PRPF4: variants seen among roughly 807,000 people sequenced by gnomAD.
The protein encoded by PRPF4 is pre-mRNA splicing tri-snRNP complex factor PRPF4.
In PRPF4, 14 loss-of-function variants were observed where a neutral mutation model predicts 72.2. The ratio of observed to expected loss-of-function variants is 0.19; its 90% CI spans 0.13 to 0.30. PRPF4 has a LOEUF of 0.30. Ranked by LOEUF, PRPF4 falls within the 10% of genes least tolerant of loss-of-function variation. The pLI is 1.00. For synonymous variants in PRPF4, 225 were observed against 232.2 expected, an observed-to-expected ratio of 0.97 and a Z score of 0.28; for missense variants, 478 against 653.9, an observed-to-expected ratio of 0.73 and a Z score of 2.93.
chr9:113,279,756 T>C (rs976746591), intron 3 of PRPF4, among the ~76,000 whole-genome samples: 2 of 152,196 alleles, frequency 1.3e-5, no homozygotes, highest in Non-Finnish European at 2.9e-5. Context: ...CAGTGCGAGT[T>C]TTGAATTGGA....
intron 2 of PRPF4, 21 bp downstream of exon 2, chr9:113,276,746 C>A: frequency 9.5e-6 from 15 of 1,586,204 alleles, no homozygotes; most frequent in Non-Finnish European, 1.3e-5. Flanking sequence ...AATTGTGAGC[C>A]CATCTTTACC....
In PRPF4 at chr9:113,283,465, C is replaced by T. The variant is rs769494993; in HGVS notation, c.637C>T (p.Leu213=). The T allele has an allele frequency of 2.5e-6, 4 of 1,613,978 alleles. No homozygotes were observed. In the African/African-American group the frequency reaches 5.3e-5, roughly 22 times the overall value. The change falls in exon 6 of 14, where the codon CTG becomes TTG. Residue 213 remains leucine (L), a synonymous_variant. Coordinates refer to ENST00000374198, the MANE Select transcript of PRPF4 (RefSeq NM_001244926.2). ...AACAAGGACCTCCCAGATGCAAGAG[C>T]TGCACAAGTCTCTCCGGGTAAGATG... ...ETTRTSQMQE[L]HKSLRSLNNF... is the part of the protein sequence containing the mutation.
Position 113,275,730 on chromosome 9 carries a change from C to G in PRPF4, c.-14C>G. 6.2e-7 allele frequency: 1 copy of G among 1,610,188 alleles called. No homozygotes were observed. Among genetic ancestry groups the G allele is most frequent in the South Asian group, 1.1e-5 (1 of 90,820 alleles). The stretch of plus-strand genomic sequence containing the variant: ...TTCGGGTTTCGCTGGGGCCTCGCGG[C>G]TCCAGAGCCCAGCATGGCTTCCTCG... On this transcript the variant is annotated 5_prime_UTR_variant, in exon 1 of 14. Coordinates refer to ENST00000374198, the MANE Select transcript of PRPF4 (RefSeq NM_001244926.2).
chr9:113,291,748 C>A lies in PRPF4; in HGVS notation c.*88C>A. 1 of 1,325,766 alleles carries A rather than the reference C, an allele frequency of 7.5e-7. No homozygotes were observed. The highest frequency in any genetic ancestry group is 1.9e-4 in the Middle Eastern group (1 of 5,136). The allele number at this position is 1,325,766 out of a possible 1,614,324, so 82.1% of individuals were successfully genotyped here. On this transcript the variant is annotated 3_prime_UTR_variant, in exon 14 of 14. Coordinates refer to ENST00000374198, the MANE Select transcript of PRPF4 (RefSeq NM_001244926.2). ...GAAGAATTGAAGTGTTTAGTTCTAT[C>A]ATGTTTTCTGCCAATTACCATGCAT... is the stretch of plus-strand genomic sequence containing the variant.
chr9:113,282,215 G>GT (rs1303758791), intron 3 of PRPF4, among the ~76,000 whole-genome samples: 3 of 152,218 alleles, frequency 2.0e-5, no homozygotes, highest in African/African-American at 7.2e-5. Context: ...GCTCATGCCC[G>GT]TAATCCCAGC....
intron 4 of PRPF4, 170 bp downstream of exon 4, chr9:113,282,903 T>A: frequency 2.0e-6 from 2 of 1,003,380 alleles, no homozygotes; most frequent in South Asian, 3.4e-5. Context: ...TTTGTAAGTA[T>A]GAATGGAGCT....
intron 7 of PRPF4, among the ~76,000 whole-genome samples, chr9:113,285,713 A>G (rs905626000): frequency 6.6e-6 from 1 of 151,848 alleles, no homozygotes; most frequent in Non-Finnish European, 1.5e-5. Context: ...ATTTTTTAAA[A>G]CGTTAGCCAG....
In PRPF4 at chr9:113,275,677, C is replaced by T. The variant is rs1406323357; in HGVS notation, c.-67C>T. 1 of 1,555,036 alleles carries T rather than the reference C, an allele frequency of 6.4e-7. No individual in the cohort carries two copies. Reference sequence around the variant, plus strand: ...AGTGACGCACTTCCCCTCTGCTGGGCGCGCGGTGGACGGTCTGAAAGGGAG... The same window carrying T: ...AGTGACGCACTTCCCCTCTGCTGGGTGCGCGGTGGACGGTCTGAAAGGGAG... On this transcript the variant is annotated 5_prime_UTR_variant, in exon 1 of 14. Transcript: ENST00000374198.
At position 113,291,779 on chromosome 9, in the gene PRPF4, C is replaced by A. The variant is rs754655198; in HGVS notation, c.*119C>A. On this transcript the variant is annotated 3_prime_UTR_variant, in exon 14 of 14. Coordinates refer to ENST00000374198, the MANE Select transcript of PRPF4 (RefSeq NM_001244926.2). ...TTCTGCCAATTACCATGCATAGACC[C>A]TCAGTAGAATTGGATTTCCATGTCA... The A allele has an allele frequency of 1.6e-5, 16 of 1,017,578 alleles. No individual in the cohort carries two copies. Among genetic ancestry groups the A allele is most frequent in the Non-Finnish European group, 2.2e-5 (16 of 716,526 alleles). 63.0% of individuals were successfully genotyped at this position (1,017,578 alleles called of 1,614,324 possible).
At chr9:113,276,441 A>G in intron 1 of PRPF4, 107 bp from the exon 2 acceptor site, 2 of 1,248,964 alleles carry the variant, frequency 1.6e-6, no homozygotes, top group Non-Finnish European at 2.3e-6. Context: ...CCTTTCAATT[A>G]CAGAGGAAAC....
At position 113,292,343 on chromosome 9, in the gene PRPF4, T is replaced by C. The variant is rs1414613797; in HGVS notation, c.*683T>C. 6.6e-6 allele frequency: 1 copy of C among 152,280 alleles called. No homozygotes were observed. The highest frequency in any genetic ancestry group is 2.4e-5 in the African/African-American group (1 of 41,460). 9.4% of individuals were successfully genotyped at this position (152,280 alleles called of 1,614,324 possible). A position where few individuals can be genotyped will look rare whatever the true frequency, so the allele number is the denominator to read the frequency against. On this transcript the variant is annotated 3_prime_UTR_variant, in exon 14 of 14. Coordinates refer to ENST00000374198, the MANE Select transcript of PRPF4 (RefSeq NM_001244926.2). ...ATGGTACATGCTTCAGGACTACATATGACCCAGAGAGCAAGGTGGCTGAAC... is the reference window on the plus strand; with the variant it reads ...ATGGTACATGCTTCAGGACTACATACGACCCAGAGAGCAAGGTGGCTGAAC...
intron 7 of PRPF4, among the ~76,000 whole-genome samples, chr9:113,285,441 C>G (rs373054491): frequency 1.5e-5 from 2 of 134,852 alleles, no homozygotes; most frequent in African/African-American, 5.7e-5. Flanking sequence ...TGCAGTGGCG[C>G]GATCTCGGCT....
In PRPF4 at chr9:113,279,000, T is replaced by C. The variant is rs1188846334; in HGVS notation, c.261T>C (p.Ala87=). 4 of 1,614,046 alleles carry C rather than the reference T, an allele frequency of 2.5e-6. No homozygotes were observed. Among genetic ancestry groups the C allele is most frequent in the Non-Finnish European group, 3.4e-6 (4 of 1,180,034 alleles). ...HISERQAEVL[A]EFERRKRARQ... ...GCGAGCGACAGGCAGAAGTATTGGC[T>C]GAGTTTGAGAGAAGGAAGCGAGCCC... Residue 87 remains alanine (A), a synonymous_variant, in exon 3 of 14, where the codon GCT becomes GCC. Coordinates refer to ENST00000374198, the MANE Select transcript of PRPF4 (RefSeq NM_001244926.2).
intron 9 of PRPF4, among the ~76,000 whole-genome samples, chr9:113,287,400 C>A (rs1216017889): frequency 6.6e-6 from 1 of 152,042 alleles, no homozygotes; most frequent in African/African-American, 2.4e-5. Flanking sequence ...ACGGAGATGT[C>A]TCCTCGCAAT....
At chr9:113,288,546 C>G (rs970395822) in intron 10 of PRPF4, among the ~76,000 whole-genome samples, 1 of 151,836 alleles carries the variant, frequency 6.6e-6, no homozygotes, top group Admixed American at 6.6e-5. Context: ...AAGCAATTCT[C>G]CTGCCTCGAC....
rs750585880 is a variant in PRPF4 at position 113,275,720 on chromosome 9, G to T, written c.-24G>T. 6.2e-7 allele frequency: 1 copy of T among 1,608,368 alleles called. No individual in the cohort carries two copies. The highest frequency in any genetic ancestry group is 1.1e-5 in the South Asian group (1 of 90,686). ...AAAGGGAGTGTTCGGGTTTCGCTGGGGCCTCGCGGCTCCAGAGCCCAGCAT... is the reference window on the plus strand; with the variant it reads ...AAAGGGAGTGTTCGGGTTTCGCTGGTGCCTCGCGGCTCCAGAGCCCAGCAT... On this transcript the variant is annotated 5_prime_UTR_variant, in exon 1 of 14. Transcript: ENST00000374198.
chr9:113,283,490 G>C lies in PRPF4; in HGVS notation c.654+8G>C, dbSNP rs1832345682. The C allele has an allele frequency of 6.2e-7, 1 of 1,613,506 alleles. No individual in the cohort carries two copies. The highest frequency in any genetic ancestry group is 8.5e-7 in the Non-Finnish European group (1 of 1,179,616). The stretch of plus-strand genomic sequence containing the variant: ...CTGCACAAGTCTCTCCGGGTAAGAT[G>C]CTCCCAGCAATTGTCCCACATCTTA... On this transcript the variant is annotated splice_region_variant and intron_variant, in intron 6 of 13. Coordinates refer to ENST00000374198, the MANE Select transcript of PRPF4 (RefSeq NM_001244926.2).
intron 9 of PRPF4, among the ~76,000 whole-genome samples, 172 bp downstream of exon 9, chr9:113,287,000 C>T (rs761689977): frequency 1.3e-5 from 2 of 151,872 alleles, no homozygotes; most frequent in African/African-American, 2.4e-5. Context: ...TGTGGTGAGC[C>T]GAGATTGCAC....
chr9:113,278,832 TGTGTAATAGACA>T, intron 2 of PRPF4, 101 bp from the exon 3 acceptor site: 1 of 997,120 alleles, frequency 1.0e-6, no homozygotes, highest in Admixed American at 2.7e-5. Flanking sequence ...AACTATAAAA[TGTGTAATAGACA>T]GTTACTTTTC....
Sources: allele counts gnomAD v4.1 joint callset (sites outside exome capture counted in the v4.1 genomes callset), GRCh38; gene constraint gnomAD v4.1.1; transcripts MANE v1.5; gene names NCBI Gene and HGNC (gene_info 2026-07-23, HGNC 2026-07-21).